The following RANBP2 variants were observed in gnomAD, a reference collection of about 807,000 sequenced individuals.
RANBP2 encodes the protein E3 SUMO-protein ligase RanBP2.
Under a neutral mutation model 303.6 loss-of-function variants are expected in RANBP2, and 57 were observed. That is an observed-to-expected ratio of 0.19 (90% CI 0.15 to 0.23). The LOEUF is 0.23. RANBP2 is among the 10% of genes least tolerant of loss of function. The probability of loss-of-function intolerance (pLI) is 1.00; values close to 1 mark genes in which losing one functional copy is unlikely to be tolerated. For missense variants in RANBP2, 3,138 were observed against 3,780.8 expected (o/e 0.83, Z 4.46); for synonymous variants, 1,167 against 1,301.5 (o/e 0.90, Z 2.23).
chr2:109,183,377 A>C, the RANBP2 span, among the ~76,000 whole-genome samples: 124,303 of 152,092 alleles, frequency 0.82, 50,921 homozygotes, highest in East Asian at 0.89. Flanking sequence ...GAGATGGTGA[A>C]CTCTCCCTTG....
At chr2:108,925,509 C>T in the RANBP2 span, among the ~76,000 whole-genome samples, 16 of 152,306 alleles carry the variant, frequency 1.1e-4, no homozygotes, top group South Asian at 4.1e-4. Context: ...GTCCTGGGCA[C>T]GAGGCACCTT....
the RANBP2 span, among the ~76,000 whole-genome samples, chr2:109,127,070 G>A: frequency 6.6e-6 from 1 of 152,384 alleles, no homozygotes; most frequent in African/African-American, 2.4e-5. Context: ...AGGGAAGCCA[G>A]GCAGCTCTGG....
chr2:109,737,503 G>A, the RANBP2 span: 5 of 588,246 alleles, frequency 8.5e-6, no homozygotes, highest in Non-Finnish European at 9.0e-6. Context: ...TTCTCCACAA[G>A]CTTTCTCGCG....
chr2:109,108,332 C>G, the RANBP2 span, among the ~76,000 whole-genome samples: 1 of 152,316 alleles, frequency 6.6e-6, no homozygotes, highest in South Asian at 2.1e-4. Context: ...AGCCACCATG[C>G]CTGGACAGCA....
At chr2:109,325,900 A>G in the RANBP2 span, among the ~76,000 whole-genome samples, 1 of 152,250 alleles carries the variant, frequency 6.6e-6, no homozygotes, top group African/African-American at 2.4e-5. Flanking sequence ...AAGTATGCAT[A>G]GTGTTTCCAT....
At chr2:109,406,768 C>T in the RANBP2 span, among the ~76,000 whole-genome samples, 1 of 151,984 alleles carries the variant, frequency 6.6e-6, no homozygotes, top group African/African-American at 2.4e-5. Context: ...AGAATGTCTC[C>T]AGGACCATAG....
At chr2:109,574,656 A>G in the RANBP2 span, 1 of 1,609,002 alleles carries the variant, frequency 6.2e-7, no homozygotes. Flanking sequence ...TGAAGTAGAG[A>G]CACACATGGA....
chr2:109,518,911 A>ATTTTTTTTTT, the RANBP2 span, among the ~76,000 whole-genome samples: 1 of 140,270 alleles, frequency 7.1e-6, no homozygotes, highest in Admixed American at 7.2e-5. Context: ...AAGGTGCTAC[A>ATTTTTTTTTT]TATCTTTTTT....
At chr2:109,033,159 T>A in the RANBP2 span, among the ~76,000 whole-genome samples, 529 of 152,358 alleles carry the variant, frequency 3.5e-3, 3 homozygotes, top group African/African-American at 0.012. Context: ...ATGACTTCCC[T>A]AGGAAGGAAT....
chr2:109,093,783 C>T, the RANBP2 span, among the ~76,000 whole-genome samples: 29 of 152,110 alleles, frequency 1.9e-4, no homozygotes, highest in South Asian at 6.2e-4. Flanking sequence ...TGTTCTTCTC[C>T]GTTTTGTCTT....
the RANBP2 span, among the ~76,000 whole-genome samples, chr2:109,292,082 C>T: frequency 6.6e-6 from 1 of 152,204 alleles, no homozygotes; most frequent in African/African-American, 2.4e-5. Flanking sequence ...CCAGGATGGT[C>T]TCGATCTCCT....
chr2:108,982,661 T>C, the RANBP2 span, among the ~76,000 whole-genome samples: 2 of 152,224 alleles, frequency 1.3e-5, no homozygotes, highest in African/African-American at 4.8e-5. Flanking sequence ...GTTTGGATAA[T>C]AATTTTCATC....
At chr2:109,117,362 C>G in the RANBP2 span, among the ~76,000 whole-genome samples, 1 of 152,254 alleles carries the variant, frequency 6.6e-6, no homozygotes, top group Non-Finnish European at 1.5e-5. Context: ...CGCAGCCTCA[C>G]TGCCGCCTTG....
the RANBP2 span, among the ~76,000 whole-genome samples, chr2:109,584,555 TC>T: frequency 6.6e-6 from 1 of 151,970 alleles, no homozygotes; most frequent in Non-Finnish European, 1.5e-5. Flanking sequence ...CCAATCCTTT[TC>T]CCCCTTTCAT....
Position 108,719,578 on chromosome 2 carries a change from C to T in RANBP2, c.-29C>T. The T allele has an allele frequency of 6.3e-7, 1 of 1,591,702 alleles. No homozygotes were observed. The highest frequency in any genetic ancestry group is 8.5e-7 in the Non-Finnish European group (1 of 1,170,972). On this transcript the variant is annotated 5_prime_UTR_variant, in exon 1 of 29. In the 5' UTR this introduces an upstream ATG that the reference lacks. Coordinates refer to ENST00000283195, the MANE Select transcript of RANBP2 (RefSeq NM_006267.5). Reference sequence around the variant, plus strand: ...GCTGCGGGCCTGAGCGCTGGTCTCACGCGCCTCGGGAGCCAGGTTGGCGGC... The same window carrying T: ...GCTGCGGGCCTGAGCGCTGGTCTCATGCGCCTCGGGAGCCAGGTTGGCGGC...
chr2:109,020,835 G>T, the RANBP2 span, among the ~76,000 whole-genome samples: 1 of 152,212 alleles, frequency 6.6e-6, no homozygotes, highest in Non-Finnish European at 1.5e-5. Flanking sequence ...TTTGCAAAGG[G>T]GTAGCTTGGA....
At chr2:108,807,007 C>G in the RANBP2 span, among the ~76,000 whole-genome samples, 1 of 152,054 alleles carries the variant, frequency 6.6e-6, no homozygotes, top group African/African-American at 2.4e-5. Context: ...AAGTGCAGTT[C>G]CTGATCAGAT....
the RANBP2 span, among the ~76,000 whole-genome samples, chr2:109,299,203 G>C: frequency 6.6e-6 from 1 of 152,210 alleles, no homozygotes; most frequent in Non-Finnish European, 1.5e-5. Context: ...TTAAAACTGC[G>C]ACCCTGCCTC....
At chr2:109,261,894 C>T in the RANBP2 span, among the ~76,000 whole-genome samples, 164 of 152,072 alleles carry the variant, frequency 1.1e-3, no homozygotes, top group Admixed American at 2.0e-3. Flanking sequence ...TCTGCTGATA[C>T]GAGACATGTT....
Sources: gnomAD v4.1 joint callset for allele counts (sites outside exome capture counted in the v4.1 genomes callset) on GRCh38, gnomAD v4.1.1 for gene constraint, MANE v1.5 for transcripts, NCBI Gene and HGNC (gene_info 2026-07-23, HGNC 2026-07-21) for gene names.